COPA: variants seen among roughly 807,000 people sequenced by gnomAD.
COPA encodes coat protein complex I subunit alpha, also known as coatomer subunit alpha.
COPA carries 10 observed loss-of-function variants against 158.7 expected under a neutral mutation model. The ratio of observed to expected loss-of-function variants is 0.06; its 90% CI spans 0.04 to 0.11. COPA has a LOEUF of 0.11. COPA is among the 10% of genes least tolerant of loss of function. The probability of loss-of-function intolerance (pLI) is 1.00; values close to 1 mark genes in which losing one functional copy is unlikely to be tolerated. For synonymous variants in COPA, 462 were observed against 542.8 expected, an observed-to-expected ratio of 0.85 and a Z score of 2.07; for missense variants, 1,065 against 1,536.7, an observed-to-expected ratio of 0.69 and a Z score of 5.13.
chr1:160,300,495 T>C (rs1257266356), intron 17 of COPA, among the ~76,000 whole-genome samples: 2 of 152,056 alleles, frequency 1.3e-5, no homozygotes, highest in Non-Finnish European at 2.9e-5. Flanking sequence ...GAATCAGATT[T>C]TTAAAATCCT....
chr1:160,314,575 A>G (rs1255834934), intron 8 of COPA, among the ~76,000 whole-genome samples: 1 of 152,230 alleles, frequency 6.6e-6, no homozygotes, highest in East Asian at 1.9e-4. Context: ...GACGGCAGTG[A>G]GCCGTGAATG....
At chr1:160,302,438 C>A (rs191113085) in intron 17 of COPA, among the ~76,000 whole-genome samples, 2 of 151,844 alleles carry the variant, frequency 1.3e-5, no homozygotes, top group African/African-American at 2.4e-5. Context: ...GATTAGGAAA[C>A]TGAACACTGT....
At chr1:160,318,496 A>AAAAAAAAAAAAAAAAAAAAAAAACAAAC (rs1659230721) in intron 8 of COPA, among the ~76,000 whole-genome samples, 1 of 138,504 alleles carries the variant, frequency 7.2e-6, no homozygotes, top group Non-Finnish European at 1.6e-5. Flanking sequence ...AAAAAACAAA[A>AAAAAAAAAAAAAAAAAAAAAAAACAAAC]AAAAAAAAAA....
At chr1:160,291,128 AGACGAG>A (rs1658216690) in intron 31 of COPA, among the ~76,000 whole-genome samples, 1 of 152,240 alleles carries the variant, frequency 6.6e-6, no homozygotes, top group South Asian at 2.1e-4. Flanking sequence ...CGGCACTCTT[AGACGAG>A]TGCCATGTCT....
chr1:160,333,072 C>A (rs1571182611), intron 5 of COPA, among the ~76,000 whole-genome samples: 1 of 152,176 alleles, frequency 6.6e-6, no homozygotes, highest in African/African-American at 2.4e-5. Flanking sequence ...TATAGGCACA[C>A]GCCACCGCGT....
intron 31 of COPA, 109 bp downstream of exon 31, chr1:160,291,226 T>C: frequency 8.0e-7 from 1 of 1,252,148 alleles, no homozygotes. Flanking sequence ...TGGCTTTTTG[T>C]TGAATGTTGT....
chr1:160,293,040 G>A (rs1658290988), intron 27 of COPA, 126 bp downstream of exon 27: 4 of 982,044 alleles, frequency 4.1e-6, no homozygotes, highest in Non-Finnish European at 6.2e-6. Flanking sequence ...AAGATAAAGA[G>A]TTTTCATGAA....
chr1:160,323,658 C>T (rs369117789), intron 7 of COPA, 128 bp from the exon 8 acceptor site: 50 of 538,900 alleles, frequency 9.3e-5, no homozygotes, highest in Middle Eastern at 1.0e-3. Context: ...CAAGAGACTA[C>T]GCTGCTCTAA....
chr1:160,320,823 G>T (rs1372330573), intron 8 of COPA, among the ~76,000 whole-genome samples: 1 of 145,834 alleles, frequency 6.9e-6, no homozygotes, highest in Admixed American at 6.8e-5. Context: ...AAAAGGAAGA[G>T]GAGGGAATAT....
intron 11 of COPA, among the ~76,000 whole-genome samples, chr1:160,311,565 T>C (rs1272906811): frequency 1.3e-5 from 2 of 151,974 alleles, no homozygotes; most frequent in Non-Finnish European, 2.9e-5. Context: ...CTGGCTAACA[T>C]GGTGAAACCG....
Position 160,324,400 on chromosome 1 carries a change from G to T in COPA, c.607-870C>A, listed in dbSNP as rs114768537. Among the ~76,000 whole-genome samples the T allele has an allele frequency of 4.0e-3, 591 of 146,284 alleles. 6 individuals carry two copies. Among genetic ancestry groups the T allele is most frequent in the African/African-American group, 0.014 (565 of 39,688 alleles). On this transcript the variant is annotated intron_variant, in intron 7 of 32. Transcript: ENST00000241704. ...AAGTCTCAAACTTCCAGGATCAAGT[G>T]ATTCTCCTACCTCGGCCTCCCAAAG...
chr1:160,313,404 T>C (rs1378910850), intron 9 of COPA, among the ~76,000 whole-genome samples: 5 of 129,340 alleles, frequency 3.9e-5, no homozygotes, highest in Non-Finnish European at 7.9e-5. Flanking sequence ...CATAATTTTA[T>C]GGCTTTCATT....
intron 8 of COPA, among the ~76,000 whole-genome samples, chr1:160,316,750 CAA>C (rs550170815): frequency 2.4e-4 from 22 of 92,326 alleles, no homozygotes; most frequent in Non-Finnish European, 2.4e-4. Flanking sequence ...AATTCTGTCT[CAA>C]AAAAAAAAAA....
chr1:160,306,275 G>T, intron 15 of COPA, 79 bp downstream of exon 15: 1 of 1,485,632 alleles, frequency 6.7e-7, no homozygotes. Flanking sequence ...AAACTCACTT[G>T]GGGAAAAAAG....
chr1:160,303,692 A>C (rs1157319292), intron 17 of COPA, among the ~76,000 whole-genome samples: 1 of 152,254 alleles, frequency 6.6e-6, no homozygotes. Flanking sequence ...AAACTCAACT[A>C]CATTGAAATT....
intron 6 of COPA, among the ~76,000 whole-genome samples, chr1:160,330,536 C>T (rs1397245506): frequency 6.6e-6 from 1 of 151,836 alleles, no homozygotes; most frequent in East Asian, 1.9e-4. Context: ...TTCTACTCTA[C>T]AATTGTCCCC....
intron 3 of COPA, among the ~76,000 whole-genome samples, chr1:160,338,538 T>C (rs57164464): frequency 0.026 from 3,938 of 152,294 alleles, 207 homozygotes; most frequent in African/African-American, 0.091. Context: ...AGAGGAAATT[T>C]TGATTTATTT....
intron 8 of COPA, 142 bp from the exon 9 acceptor site, chr1:160,314,267 CTTCAT>C (rs1659067892): frequency 3.8e-6 from 3 of 797,278 alleles, no homozygotes; most frequent in Non-Finnish European, 1.9e-6. Context: ...TGGCAATCTT[CTTCAT>C]TTAAGTCTCT....
In COPA at chr1:160,327,469, G is replaced by A. The variant is rs868215946; in HGVS notation, c.497-1817C>T. Among the ~76,000 whole-genome samples the A allele has an allele frequency of 6.0e-5, 9 of 151,026 alleles. No homozygotes were observed. In the South Asian group the frequency reaches 6.3e-4, roughly 11 times the overall value. On this transcript the variant is annotated intron_variant, in intron 6 of 32. Transcript: ENST00000241704. ...GGGGAATTGCTTGAACCCGGGGGGCGGGGCTGGGGGGGGCGCAGCGCGGAG... is the reference window on the plus strand; with the variant it reads ...GGGGAATTGCTTGAACCCGGGGGGCAGGGCTGGGGGGGGCGCAGCGCGGAG...
Sources: allele counts gnomAD v4.1 joint callset (sites outside exome capture counted in the v4.1 genomes callset), GRCh38; gene constraint gnomAD v4.1.1; transcripts MANE v1.5; gene names NCBI Gene and HGNC (gene_info 2026-07-23, HGNC 2026-07-21).